CPEB3: variants seen among roughly 807,000 people sequenced by gnomAD.
CPEB3 encodes cytoplasmic polyadenylation element binding protein 3, also known as cytoplasmic polyadenylation element-binding protein 3.
A neutral mutation model predicts 67.2 loss-of-function variants in CPEB3; 20 were observed. The ratio of observed to expected loss-of-function variants is 0.30; its 90% confidence interval spans 0.21 to 0.43. CPEB3 has a LOEUF of 0.43. CPEB3 is among the 20% of genes least tolerant of loss of function. The probability of loss-of-function intolerance (pLI) is 1.00; values close to 1 mark genes in which losing one functional copy is unlikely to be tolerated. For missense variants in CPEB3, 746 were observed against 968.6 expected (o/e 0.77, Z 3.05); for synonymous variants, 376 against 393.1 (o/e 0.96, Z 0.51).
At chr10:92,246,819 C>T (rs10882039) in intron 1 of CPEB3, among the ~76,000 whole-genome samples, 28,618 of 152,094 alleles carry the variant, frequency 0.19, 3,365 homozygotes, top group East Asian at 0.4. Flanking sequence ...AGGATGTCAA[C>T]TTGTAATCAG....
At position 92,167,714 on chromosome 10, in the gene CPEB3, C is replaced by T. The variant is rs139023009; in HGVS notation, c.1222+13249G>A. Among the ~76,000 whole-genome samples, 1,130 of 152,210 alleles carry T rather than the reference C, an allele frequency of 7.4e-3. 13 individuals are homozygous for T. Among genetic ancestry groups the T allele is most frequent in the African/African-American group, 0.026 (1,082 of 41,516 alleles). ...CTGAGGTCAGGAGTTTGAGACCAGCCTGGCCAACATAGTGAAACACTGTCT... is the reference window on the plus strand; with the variant it reads ...CTGAGGTCAGGAGTTTGAGACCAGCTTGGCCAACATAGTGAAACACTGTCT... On this transcript the variant is annotated intron_variant, in intron 4 of 9. Transcript: ENST00000265997.
chr10:92,083,615 A>C lies in CPEB3; in HGVS notation c.1688-2114T>G, dbSNP rs985597755. On this transcript the variant is annotated intron_variant, in intron 8 of 9. Transcript: ENST00000265997. ...ATTGGTTGAATGGGTTTAATGAAAT[A>C]AGTAACCTCAGGACCCTGTAAATTA... Among the ~76,000 whole-genome samples, 3 of 152,240 alleles carry C rather than the reference A, an allele frequency of 2.0e-5. No homozygotes were observed. In the South Asian group the frequency reaches 6.2e-4, roughly 31 times the overall value.
intron 6 of CPEB3, among the ~76,000 whole-genome samples, chr10:92,133,682 T>C (rs577709172): frequency 1.0e-3 from 156 of 152,298 alleles, no homozygotes; most frequent in Non-Finnish European, 1.8e-3. Context: ...AGCATCATCC[T>C]GATACCAAAG....
At chr10:92,244,146 A>G (rs1851960798) in intron 1 of CPEB3, among the ~76,000 whole-genome samples, 1 of 152,098 alleles carries the variant, frequency 6.6e-6, no homozygotes, top group Non-Finnish European at 1.5e-5. Context: ...CAGGAGTTCG[A>G]GACCAGCCTG....
At chr10:92,095,600 AT>A (rs11404019) in intron 7 of CPEB3, among the ~76,000 whole-genome samples, 5,131 of 123,046 alleles carry the variant, frequency 0.042, 169 homozygotes, top group Non-Finnish European at 0.047. Context: ...ATATATATAT[AT>A]TTTTTTTTTT....
intron 2 of CPEB3, chr10:92,216,673 G>C (rs1850418002): frequency 1.0e-5 from 16 of 1,606,710 alleles, no homozygotes; most frequent in Admixed American, 1.7e-5. Context: ...AGACGGACCT[G>C]GGTGCAGCCA....
At chr10:92,210,439 A>G (rs1400416957) in intron 2 of CPEB3, among the ~76,000 whole-genome samples, 1 of 152,250 alleles carries the variant, frequency 6.6e-6, no homozygotes, top group East Asian at 1.9e-4. Context: ...AGTGGCAAAT[A>G]TATTCCATTC....
chr10:92,107,117 G>A, intron 7 of CPEB3, among the ~76,000 whole-genome samples: 1 of 151,990 alleles, frequency 6.6e-6, no homozygotes, highest in Non-Finnish European at 1.5e-5. Flanking sequence ...CAGACACATG[G>A]GACAGAATTA....
intron 6 of CPEB3, among the ~76,000 whole-genome samples, chr10:92,113,150 G>T (rs531492414): frequency 8.3e-4 from 126 of 152,348 alleles, no homozygotes; most frequent in African/African-American, 2.7e-3. Context: ...GAGAGAGACT[G>T]CCAAGGTTTT....
At chr10:92,151,387 G>A (rs745493443) in intron 4 of CPEB3, among the ~76,000 whole-genome samples, 5 of 152,118 alleles carry the variant, frequency 3.3e-5, no homozygotes, top group Non-Finnish European at 5.9e-5. Flanking sequence ...GGAATTATGA[G>A]GCATGACTCC....
intron 4 of CPEB3, among the ~76,000 whole-genome samples, chr10:92,159,124 G>A (rs1590265057): frequency 6.6e-6 from 1 of 151,434 alleles, no homozygotes; most frequent in African/African-American, 2.4e-5. Context: ...TTGGCCGGGC[G>A]CGGTGGCTCA....
chr10:92,198,992 A>G (rs957152742), intron 2 of CPEB3, among the ~76,000 whole-genome samples: 3 of 152,270 alleles, frequency 2.0e-5, no homozygotes, highest in African/African-American at 7.2e-5. Context: ...TTGAAAACAG[A>G]AAAACTTTTT....
Position 92,064,488 on chromosome 10 carries a change from T to C in CPEB3, c.1870-12049A>G, listed in dbSNP as rs1012820196. ...CTTGAGTGAGTACCTTCTGTCTCTC[T>C]CCAGACTACCCAGAGATTTAGGCCA... On this transcript the variant is annotated intron_variant, in intron 9 of 9. Coordinates refer to ENST00000265997, the MANE Select transcript of CPEB3 (RefSeq NM_014912.5). Among the ~76,000 whole-genome samples, 3 of 152,316 alleles carry C rather than the reference T, an allele frequency of 2.0e-5. No individual in the cohort carries two copies. In the South Asian group the frequency reaches 6.2e-4, roughly 32 times the overall value.
chr10:92,289,707 C>T lies in CPEB3; in HGVS notation c.-12+1219G>A, dbSNP rs1461145812. Reference sequence around the variant, plus strand: ...ACCAGCCTGGGCAACATGGCGAGACCGCGTCTCTACCAAAAAAAAAAAAAA... The same window carrying T: ...ACCAGCCTGGGCAACATGGCGAGACTGCGTCTCTACCAAAAAAAAAAAAAA... On this transcript the variant is annotated intron_variant, in intron 1 of 9. Coordinates refer to ENST00000265997, the MANE Select transcript of CPEB3 (RefSeq NM_014912.5). Among the ~76,000 whole-genome samples the T allele has an allele frequency of 8.6e-5, 4 of 46,518 alleles. No individual in the cohort carries two copies. In the Admixed American group the frequency reaches 9.4e-4, roughly 11 times the overall value. The allele number at this position is 46,518 out of a possible 152,430, so 30.5% of individuals were successfully genotyped here.
Position 92,246,799 on chromosome 10 carries a change from C to T in CPEB3, c.-11-6438G>A, listed in dbSNP as rs887862376. ...CTGGGATTACAGGCATAAGCCACCA[C>T]GCCCGGCCTAGGATGTCAACTTGTA... On this transcript the variant is annotated intron_variant, in intron 1 of 9. Transcript: ENST00000265997. 2.6e-5 allele frequency among the ~76,000 whole-genome samples: 4 copies of T among 152,114 alleles called. No homozygotes were observed. In the South Asian group the frequency reaches 6.2e-4, roughly 24 times the overall value.
chr10:92,286,445 C>T (rs536007755), intron 1 of CPEB3, among the ~76,000 whole-genome samples: 2 of 151,642 alleles, frequency 1.3e-5, no homozygotes, highest in South Asian at 4.2e-4. Flanking sequence ...ATTAGCTGGG[C>T]GTGGTGATGC....
At chr10:92,138,446 A>C (rs1208058888) in intron 6 of CPEB3, 1 of 154,672 alleles carries the variant, frequency 6.5e-6, no homozygotes, top group Non-Finnish European at 1.4e-5. Flanking sequence ...GGCGGAAGGA[A>C]AGAGAGCCAA....
intron 2 of CPEB3, among the ~76,000 whole-genome samples, chr10:92,219,342 A>C (rs1481122766): frequency 1.3e-5 from 2 of 152,092 alleles, no homozygotes; most frequent in Non-Finnish European, 2.9e-5. Context: ...TGAAATCTTC[A>C]CTGTCTTTCA....
intron 9 of CPEB3, among the ~76,000 whole-genome samples, chr10:92,066,020 C>T (rs1473189209): frequency 6.6e-6 from 1 of 152,040 alleles, no homozygotes; most frequent in East Asian, 1.9e-4. Flanking sequence ...TCACTTGAGT[C>T]TGGAAGGCAG....
Sources: allele counts gnomAD v4.1 joint callset (sites outside exome capture counted in the v4.1 genomes callset), GRCh38; gene constraint gnomAD v4.1.1; transcripts MANE v1.5; gene names NCBI Gene and HGNC (gene_info 2026-07-23, HGNC 2026-07-21).